Variants in SCUBE1 observed in about 807,000 individuals in gnomAD.
SCUBE1 encodes the protein signal peptide, CUB and EGF-like domain-containing protein 1.
In SCUBE1, 59 loss-of-function variants were observed where a neutral mutation model predicts 124.4. The observed-to-expected ratio is 0.47, with a 90% CI of 0.38 to 0.59. The LOEUF is 0.59. Among genes scored for constraint, SCUBE1 ranks in the 20% least tolerant of loss-of-function variants. SCUBE1 has a pLI of 0.00. For missense variants in SCUBE1, 1,150 were observed against 1,371.2 expected (o/e 0.84, Z 2.55); for synonymous variants, 545 against 550.9 (o/e 0.99, Z 0.15).
At chr22:43,241,494 G>A (rs1923004548) in intron 6 of SCUBE1, among the ~76,000 whole-genome samples, 1 of 152,102 alleles carries the variant, frequency 6.6e-6, no homozygotes, top group Admixed American at 6.5e-5. Context: ...GCTCCTTGCG[G>A]GCAGTGACCC....
chr22:43,260,544 A>G (rs1022855584), intron 5 of SCUBE1, among the ~76,000 whole-genome samples: 1 of 152,212 alleles, frequency 6.6e-6, no homozygotes, highest in African/African-American at 2.4e-5. Context: ...ATTTCCTGGA[A>G]TGCAAGTGAC....
At chr22:43,252,986 CGTG>C (rs980171617) in intron 6 of SCUBE1, among the ~76,000 whole-genome samples, 10 of 148,208 alleles carry the variant, frequency 6.7e-5, no homozygotes, top group Admixed American at 6.1e-4. Flanking sequence ...ATTAATAAAA[CGTG>C]GGGGCAGGAT....
chr22:43,238,991 G>A lies in SCUBE1; in HGVS notation c.728-37C>T, dbSNP rs556225894. ...AAGAGACAGAGACCTCAGTTTCCTT[G>A]GACAGAAGCCACTGGCTTTCCCCTT... is the stretch of plus-strand genomic sequence containing the variant. On this transcript the variant is annotated intron_variant, in intron 6 of 21. Coordinates refer to ENST00000360835, the MANE Select transcript of SCUBE1 (RefSeq NM_173050.5). 3.9e-6 allele frequency: 6 copies of A among 1,532,824 alleles called. No homozygotes were observed. In the South Asian group the frequency reaches 5.6e-5, roughly 14 times the overall value. 95.0% of individuals were successfully genotyped at this position (1,532,824 alleles called of 1,614,324 possible). A position where few individuals can be genotyped will look rare whatever the true frequency, so the allele number is the denominator to read the frequency against.
intron 12 of SCUBE1, among the ~76,000 whole-genome samples, chr22:43,221,922 G>A (rs1922106866): frequency 6.6e-6 from 1 of 152,132 alleles, no homozygotes; most frequent in Non-Finnish European, 1.5e-5. Flanking sequence ...AAATTAGCCA[G>A]GTGTGGTGAT....
chr22:43,259,021 GGATCTGGTGC>G (rs1189620189), intron 5 of SCUBE1, among the ~76,000 whole-genome samples: 1 of 152,248 alleles, frequency 6.6e-6, no homozygotes, highest in African/African-American at 2.4e-5. Flanking sequence ...GTGGCCTGGA[GGATCTGGTGC>G]CTTTCAGCCC....
At position 43,210,038 on chromosome 22, in the gene SCUBE1, C is replaced by T. The variant is rs1921473218; in HGVS notation, c.2581+5G>A. On this transcript the variant is annotated splice_donor_5th_base_variant and intron_variant, in intron 19 of 21. Coordinates refer to ENST00000360835, the MANE Select transcript of SCUBE1 (RefSeq NM_173050.5). This position sits in a 1 kb window ranked among gnomAD's most constrained non-coding sequence, Gnocchi z 4.5. ...TGCCTCTGGTCCCCTCGGCCCCCAA[C>T]ATACCACTCTTCCTCATGACCAGAA... 2 of 1,599,924 alleles carry T rather than the reference C, an allele frequency of 1.3e-6. No homozygotes were observed. Among genetic ancestry groups the T allele is most frequent in the African/African-American group, 2.7e-5 (2 of 74,382 alleles).
chr22:43,206,251 C>G (rs1921274291), intron 21 of SCUBE1, among the ~76,000 whole-genome samples: 1 of 149,994 alleles, frequency 6.7e-6, no homozygotes, highest in Admixed American at 6.6e-5. Context: ...CACACACACC[C>G]CTACATACCC....
At chr22:43,207,998 G>A (rs1459441421) in intron 20 of SCUBE1, 74 bp downstream of exon 20, 15 of 1,530,238 alleles carry the variant, frequency 9.8e-6, no homozygotes, top group Admixed American at 1.7e-5. Flanking sequence ...GGGCGGGGAC[G>A]TGCGACTCAT....
intron 9 of SCUBE1, 105 bp from the exon 10 acceptor site, chr22:43,227,601 G>A (rs1461404101): frequency 4.9e-6 from 7 of 1,425,270 alleles, no homozygotes; most frequent in South Asian, 2.5e-5. Flanking sequence ...TGACCCCACC[G>A]AGTCGGACAG....
intron 7 of SCUBE1, among the ~76,000 whole-genome samples, chr22:43,236,013 C>G (rs1052307144): frequency 1.3e-5 from 2 of 152,172 alleles, no homozygotes; most frequent in Non-Finnish European, 2.9e-5. Context: ...GTTTGCAGCC[C>G]TGGGTTGTCC....
Position 43,343,184 on chromosome 22 carries a change from G to A in SCUBE1, c.78C>T (p.Ser26=), listed in dbSNP as rs1489387686. The A allele has an allele frequency of 8.5e-7, 1 of 1,180,538 alleles. No individual in the cohort carries two copies. The highest frequency in any genetic ancestry group is 1.0e-6 in the Non-Finnish European group (1 of 955,136). The allele number at this position is 1,180,538 out of a possible 1,614,324, so 73.1% of individuals were successfully genotyped here. A position where few individuals can be genotyped will look rare whatever the true frequency, so the allele number is the denominator to read the frequency against. ...CGGTCGGGGGCTTACCTGGGAGCCC[G>A]CTGCCCCCGGCCAGCCGCCCGCGTG... ...LGTRGRLAGG[S]GLPGSVDVDE... is the part of the protein sequence containing the mutation. The change falls in exon 1 of 22, where the codon AGC becomes AGT. Residue 26 remains serine, a synonymous_variant. Coordinates refer to ENST00000360835, the MANE Select transcript of SCUBE1 (RefSeq NM_173050.5).
intron 3 of SCUBE1, among the ~76,000 whole-genome samples, chr22:43,318,743 T>C (rs1222440073): frequency 6.6e-6 from 1 of 152,186 alleles, no homozygotes. Flanking sequence ...ATTTTTTTGT[T>C]TTTGAGATGG....
intron 15 of SCUBE1, among the ~76,000 whole-genome samples, chr22:43,214,908 G>T (rs5996293): frequency 6.6e-6 from 1 of 152,204 alleles, no homozygotes; most frequent in Non-Finnish European, 1.5e-5. Context: ...CGGAAATGGG[G>T]AGTGAAGGTT....
rs536773295 is a variant in SCUBE1 at position 43,274,715 on chromosome 22, G to A, written c.485-11870C>T. 2.4e-4 allele frequency among the ~76,000 whole-genome samples: 37 copies of A among 152,296 alleles called. 1 individual carries two copies. Among genetic ancestry groups the A allele is most frequent in the Non-Finnish European group, 4.9e-4 (33 of 68,022 alleles). ...CTGTAAGGCTGTGAGCAGCGTCCCC[G>A]AGCCCCAGCCAGTGACTCTCCACCA... On this transcript the variant is annotated intron_variant, in intron 4 of 21. Coordinates refer to ENST00000360835, the MANE Select transcript of SCUBE1 (RefSeq NM_173050.5).
chr22:43,245,781 G>A (rs578044557), intron 6 of SCUBE1, among the ~76,000 whole-genome samples: 1 of 152,200 alleles, frequency 6.6e-6, no homozygotes, highest in African/African-American at 2.4e-5. Flanking sequence ...TAGGGCCTCC[G>A]TCTACCTGAG....
Position 43,258,464 on chromosome 22 carries a change from T to A in SCUBE1, c.611-129A>T. 1 of 719,382 alleles carries A rather than the reference T, an allele frequency of 1.4e-6. No homozygotes were observed. The allele number at this position is 719,382 out of a possible 1,614,324, so 44.6% of individuals were successfully genotyped here. ...CTAAGGGCATCAGTGGGTAGGGTCA[T>A]GAGGCTCGCCGGGCAACGGGGGAGC... On this transcript the variant is annotated intron_variant, in intron 5 of 21. Coordinates refer to ENST00000360835, the MANE Select transcript of SCUBE1 (RefSeq NM_173050.5). The surrounding 1 kb of genome is among the most constrained non-coding windows in gnomAD (Gnocchi z 5.0).
At chr22:43,337,932 C>T (rs982742727) in intron 2 of SCUBE1, among the ~76,000 whole-genome samples, 1 of 150,850 alleles carries the variant, frequency 6.6e-6, no homozygotes, top group Non-Finnish European at 1.5e-5. Context: ...GTGGGAGTTA[C>T]AAGACCTGGA....
chr22:43,255,875 G>A lies in SCUBE1; in HGVS notation c.727+2344C>T, dbSNP rs1601833561. 6.7e-6 allele frequency among the ~76,000 whole-genome samples: 1 copy of A among 149,350 alleles called. No homozygotes were observed. The highest frequency in any genetic ancestry group is 1.9e-4 in the East Asian group (1 of 5,172). On this transcript the variant is annotated intron_variant, in intron 6 of 21. Transcript: ENST00000360835. This position sits in a 1 kb window ranked among gnomAD's most constrained non-coding sequence, Gnocchi z 4.7. ...CCATGGGCAAGCAAACAGAGAAGGA[G>A]GCTGAGGTCAGGGCAGACGGGATTC...
At chr22:43,277,851 A>C (rs1924595269) in intron 4 of SCUBE1, among the ~76,000 whole-genome samples, 1 of 152,200 alleles carries the variant, frequency 6.6e-6, no homozygotes, top group Admixed American at 6.5e-5. Flanking sequence ...AAAATATATG[A>C]ATGTTTGCCC....
Sources: allele counts gnomAD v4.1 joint callset (sites outside exome capture counted in the v4.1 genomes callset), GRCh38; gene constraint gnomAD v4.1.1; non-coding constraint Gnocchi (gnomAD v3.1); transcripts MANE v1.5; gene names NCBI Gene and HGNC (gene_info 2026-07-23, HGNC 2026-07-21).